The following PKP4 variants were observed in gnomAD, a reference collection of about 807,000 sequenced individuals.
PKP4 encodes plakophilin 4, also known as plakophilin-4.
Under a neutral mutation model 145.1 loss-of-function variants are expected in PKP4, and 90 were observed. The ratio of observed to expected loss-of-function variants is 0.62; its 90% CI spans 0.52 to 0.74. The LOEUF is 0.74. Ranked by LOEUF, PKP4 falls within the 30% of genes least tolerant of loss-of-function variation. The pLI is 0.00. For synonymous variants in PKP4, 563 were observed against 577.2 expected (o/e 0.98, Z 0.35); for missense variants, 1,340 against 1,482.7 (o/e 0.90, Z 1.58).
Position 158,464,014 on chromosome 2 carries a change from T to TA in PKP4, c.-6+6797dup, listed in dbSNP as rs764397483. On this transcript the variant is annotated intron_variant, in intron 1 of 21. Transcript: ENST00000389759. ...TGTCACAGCCCTGACTTCTGGGACT[T>TA]ACTTGTCTACAACCAGTCCCCTGTG... Among the ~76,000 whole-genome samples the TA allele has an allele frequency of 1.3e-4, 20 of 152,334 alleles. 2 individuals are homozygous for TA. The highest frequency in any genetic ancestry group is 1.2e-3 in the South Asian group (6 of 4,832).
chr2:158,535,611 G>A (rs913985834), intron 2 of PKP4, among the ~76,000 whole-genome samples: 1 of 152,028 alleles, frequency 6.6e-6, no homozygotes, highest in Non-Finnish European at 1.5e-5. Context: ...TAGAGATGGG[G>A]GTCTCACTAC....
At chr2:158,479,249 T>G (rs1421986058) in intron 1 of PKP4, among the ~76,000 whole-genome samples, 1 of 152,028 alleles carries the variant, frequency 6.6e-6, no homozygotes, top group African/African-American at 2.4e-5. Context: ...TGTCTTTTTT[T>G]GATACAGGGT....
intron 7 of PKP4, among the ~76,000 whole-genome samples, chr2:158,627,553 A>G (rs1475159129): frequency 6.6e-6 from 1 of 152,002 alleles, no homozygotes; most frequent in African/African-American, 2.4e-5. Context: ...CTTGATTTCA[A>G]AGGACTAATA....
chr2:158,546,992 C>T (rs540004547), intron 2 of PKP4, among the ~76,000 whole-genome samples: 1 of 152,204 alleles, frequency 6.6e-6, no homozygotes, highest in South Asian at 2.1e-4. Flanking sequence ...AAACTATAGC[C>T]TACAGTCTAA....
rs1049385865 is a variant in PKP4, at chr2:158,473,351, A to G, written c.-6+16133A>G. Among the ~76,000 whole-genome samples, 6 of 152,326 alleles carry G rather than the reference A, an allele frequency of 3.9e-5. No individual in the cohort carries two copies. In the South Asian group the frequency reaches 6.2e-4, roughly 16 times the overall value. On this transcript the variant is annotated intron_variant, in intron 1 of 21. Coordinates refer to ENST00000389759, the MANE Select transcript of PKP4 (RefSeq NM_003628.6). Reference sequence around the variant, plus strand: ...ATAAATCATTCTGCTATAAAGACACATGCACACAGATGTTCATTGCAGCAC... The same window carrying G: ...ATAAATCATTCTGCTATAAAGACACGTGCACACAGATGTTCATTGCAGCAC...
intron 1 of PKP4, among the ~76,000 whole-genome samples, chr2:158,495,391 G>A (rs1695546453): frequency 6.6e-6 from 1 of 151,086 alleles, no homozygotes; most frequent in Non-Finnish European, 1.5e-5. Context: ...AGTTCACTTG[G>A]CTCATCACTT....
At chr2:158,515,923 A>G (rs1263850445) in intron 1 of PKP4, among the ~76,000 whole-genome samples, 1 of 152,200 alleles carries the variant, frequency 6.6e-6, no homozygotes, top group South Asian at 2.1e-4. Flanking sequence ...GTGTGTGCCT[A>G]TAGTCCTACC....
At chr2:158,671,151 C>T (rs902336316) in intron 17 of PKP4, among the ~76,000 whole-genome samples, 1 of 152,130 alleles carries the variant, frequency 6.6e-6, no homozygotes, top group Non-Finnish European at 1.5e-5. Flanking sequence ...CTGGCCTGCT[C>T]ATAACAGGTG....
chr2:158,512,350 C>T (rs1483115704), intron 1 of PKP4, among the ~76,000 whole-genome samples: 3 of 152,092 alleles, frequency 2.0e-5, no homozygotes, highest in Admixed American at 6.5e-5. Context: ...TGATTTAAAC[C>T]CATGAATATT....
chr2:158,522,095 G>A (rs923841722), intron 1 of PKP4, among the ~76,000 whole-genome samples: 1 of 152,136 alleles, frequency 6.6e-6, no homozygotes, highest in South Asian at 2.1e-4. Flanking sequence ...CTCAAGAAAG[G>A]AAAAATAACT....
chr2:158,493,358 T>A (rs1213244985), intron 1 of PKP4, among the ~76,000 whole-genome samples: 2 of 152,162 alleles, frequency 1.3e-5, no homozygotes, highest in Non-Finnish European at 2.9e-5. Flanking sequence ...AATCCAAGTG[T>A]TTTTTCCACC....
At chr2:158,643,725 A>AAAAAG (rs70994218) in intron 11 of PKP4, among the ~76,000 whole-genome samples, 1 of 142,960 alleles carries the variant, frequency 7.0e-6, no homozygotes, top group Non-Finnish European at 1.6e-5. Flanking sequence ...AAAAAAAAAA[A>AAAAAG]AAAGAAAAGA....
At chr2:158,516,068 G>A (rs2041917871) in intron 1 of PKP4, among the ~76,000 whole-genome samples, 1 of 148,742 alleles carries the variant, frequency 6.7e-6, no homozygotes. Context: ...TTATACACAT[G>A]AGGGTCTCTG....
chr2:158,642,175 C>T (rs1209227081), intron 10 of PKP4, among the ~76,000 whole-genome samples: 2 of 152,138 alleles, frequency 1.3e-5, no homozygotes, highest in East Asian at 1.9e-4. Flanking sequence ...GCGTGTGCCT[C>T]AACACCCAGC....
intron 11 of PKP4, among the ~76,000 whole-genome samples, chr2:158,650,765 G>A (rs778262937): frequency 1.1e-4 from 17 of 152,164 alleles, no homozygotes; most frequent in Admixed American, 7.9e-4. Flanking sequence ...GAGCTCCCCC[G>A]TGCCCCATGA....
At chr2:158,636,128 C>A (rs2053788259) in intron 9 of PKP4, among the ~76,000 whole-genome samples, 1 of 152,044 alleles carries the variant, frequency 6.6e-6, no homozygotes, top group African/African-American at 2.4e-5. Context: ...ACGTAAAAGA[C>A]TTCCTGTGTA....
chr2:158,532,001 G>T (rs2043596769), intron 1 of PKP4, among the ~76,000 whole-genome samples: 1 of 152,176 alleles, frequency 6.6e-6, no homozygotes, highest in African/African-American at 2.4e-5. Context: ...TTTAAGCCAG[G>T]AGAGTAGGGA....
intron 1 of PKP4, among the ~76,000 whole-genome samples, chr2:158,463,283 A>G (rs1032373604): frequency 6.6e-6 from 1 of 152,206 alleles, no homozygotes; most frequent in African/African-American, 2.4e-5. Context: ...GTCATTTTAT[A>G]AAATGTCTTT....
chr2:158,460,862 A>G (rs1374917759), intron 1 of PKP4, among the ~76,000 whole-genome samples: 1 of 152,148 alleles, frequency 6.6e-6, no homozygotes, highest in Non-Finnish European at 1.5e-5. Context: ...CTGAAGGGGG[A>G]AGAAGAATCT....
Sources: allele counts gnomAD v4.1 joint callset (sites outside exome capture counted in the v4.1 genomes callset), GRCh38; gene constraint gnomAD v4.1.1; transcripts MANE v1.5; gene names NCBI Gene and HGNC (gene_info 2026-07-23, HGNC 2026-07-21).